OTOP1: variants seen among roughly 807,000 people sequenced by gnomAD.
The protein encoded by OTOP1 is otopetrin 1.
A neutral mutation model predicts 52.9 loss-of-function variants in OTOP1; 59 were observed. That is an observed-to-expected ratio of 1.12 (90% CI 0.91 to 1.39). The LOEUF (loss-of-function observed/expected upper bound fraction) is 1.39. Among genes scored for constraint, OTOP1 ranks in the 40% most tolerant of loss-of-function variants. The probability of loss-of-function intolerance (pLI) is 0.00; values close to 1 mark genes in which losing one functional copy is unlikely to be tolerated. For synonymous variants in OTOP1, 317 were observed against 337.7 expected (o/e 0.94, Z 0.67); for missense variants, 761 against 800.9 (o/e 0.95, Z 0.60).
chr4:4,212,148 G>A (rs972132825), intron 2 of OTOP1, among the ~76,000 whole-genome samples: 1 of 152,194 alleles, frequency 6.6e-6, no homozygotes, highest in Non-Finnish European at 1.5e-5. Flanking sequence ...TTCAGATCCT[G>A]ACTCTGATAA....
intron 5 of OTOP1, among the ~76,000 whole-genome samples, chr4:4,193,927 C>T (rs1177120323): frequency 1.3e-5 from 2 of 152,192 alleles, no homozygotes; most frequent in Non-Finnish European, 2.9e-5. Flanking sequence ...GTGGCTCACA[C>T]CCGTAATCCC....
In OTOP1 at chr4:4,221,755, T is replaced by C. The variant is rs533761141; in HGVS notation, c.403+4707A>G. On this transcript the variant is annotated intron_variant, in intron 1 of 5. Transcript: ENST00000296358. ...AAAACAGAGAGCAGCAAATGATTCA[T>C]AATTTGCTGTGTCCCACCACACCCA... 6.0e-4 allele frequency among the ~76,000 whole-genome samples: 92 copies of C among 152,306 alleles called. 1 individual carries two copies. The highest frequency in any genetic ancestry group is 2.1e-3 in the African/African-American group (89 of 41,570).
intron 4 of OTOP1, 143 bp from the exon 5 acceptor site, chr4:4,198,246 T>C: frequency 1.5e-6 from 1 of 669,556 alleles, no homozygotes; most frequent in Non-Finnish European, 2.5e-6. Context: ...TAGCTTATTA[T>C]CACGTTTAAT....
chr4:4,197,209 A>G lies in OTOP1; in HGVS notation c.1625T>C (p.Val542Ala), dbSNP rs1292667424. 6.2e-7 allele frequency: 1 copy of G among 1,612,564 alleles called. No individual in the cohort carries two copies. Among genetic ancestry groups the G allele is most frequent in the Non-Finnish European group, 8.5e-7 (1 of 1,179,764 alleles). ...CAAGAAGGCTGCAATATTCCTCAGGACTTTTCTCTTGGCGTTGCCCTGTAA... is the reference window on the plus strand; with the variant it reads ...CAAGAAGGCTGCAATATTCCTCAGGGCTTTTCTCTTGGCGTTGCCCTGTAA... ...RFLQGNAKRK[V>A]LRNIAAFLFL... The change falls in exon 5 of 6, where the codon GTC becomes GCC. Residue 542 changes from valine to alanine, a missense_variant. Val to Ala is a moderately conservative substitution (Grantham distance 64). This residue lies in a region of OTOP1 where 632 missense variants were observed against 619.5 expected (regional missense o/e 1.02). Coordinates refer to ENST00000296358, the MANE Select transcript of OTOP1 (RefSeq NM_177998.3).
chr4:4,211,748 C>A (rs1281498147), intron 2 of OTOP1, among the ~76,000 whole-genome samples: 1 of 152,054 alleles, frequency 6.6e-6, no homozygotes, highest in African/African-American at 2.4e-5. Flanking sequence ...GGCAACAGAG[C>A]AAGACCCTGT....
At chr4:4,213,117 G>A in intron 1 of OTOP1, 113 bp from the exon 2 acceptor site, 1 of 1,331,134 alleles carries the variant, frequency 7.5e-7, no homozygotes, top group Non-Finnish European at 1.0e-6. Context: ...ATGGTCAAAT[G>A]ATTTTTCACA....
At chr4:4,226,019 G>C (rs1489971780) in intron 1 of OTOP1, among the ~76,000 whole-genome samples, 1 of 152,232 alleles carries the variant, frequency 6.6e-6, no homozygotes, top group Non-Finnish European at 1.5e-5. Flanking sequence ...TGCAGAGGCA[G>C]AGGTCCTGCG....
intron 1 of OTOP1, among the ~76,000 whole-genome samples, chr4:4,220,448 C>T (rs1200198827): frequency 1.3e-5 from 2 of 152,040 alleles, no homozygotes; most frequent in African/African-American, 2.4e-5. Context: ...GACAGTAGAA[C>T]ATAGAGTGGC....
chr4:4,198,177 G>C, intron 4 of OTOP1, 74 bp from the exon 5 acceptor site: 1 of 1,299,608 alleles, frequency 7.7e-7, no homozygotes, highest in Non-Finnish European at 1.1e-6. Context: ...ACAGAAAACT[G>C]TTTCCACCGT....
chr4:4,189,118 G>A, intron 5 of OTOP1, 145 bp from the exon 6 acceptor site: 1 of 693,984 alleles, frequency 1.4e-6, no homozygotes, highest in East Asian at 2.8e-5. Context: ...GAGACCTCAT[G>A]GCATTTCCCA....
chr4:4,213,129 G>T, intron 1 of OTOP1, 125 bp from the exon 2 acceptor site: 1 of 1,248,734 alleles, frequency 8.0e-7, no homozygotes, highest in Non-Finnish European at 1.1e-6. Context: ...TTTTTCACAA[G>T]GGTGCCGAGA....
At chr4:4,213,062 T>G (rs1012051688) in intron 1 of OTOP1, 58 bp from the exon 2 acceptor site, 38 of 1,570,560 alleles carry the variant, frequency 2.4e-5, no homozygotes, top group Admixed American at 6.7e-5. Context: ...CATACATTGA[T>G]GTCATTTCAA....
Position 4,213,109 on chromosome 4 carries a change from G to A in OTOP1, c.404-105C>T. The A allele has an allele frequency of 7.3e-6, 10 of 1,370,414 alleles. No individual in the cohort carries two copies. In the South Asian group the frequency reaches 1.3e-4, roughly 18 times the overall value. The allele number at this position is 1,370,414 out of a possible 1,614,324, so 84.9% of individuals were successfully genotyped here. On this transcript the variant is annotated intron_variant, in intron 1 of 5. Coordinates refer to ENST00000296358, the MANE Select transcript of OTOP1 (RefSeq NM_177998.3). ...TTGTGTATTAAACCCTTATGTATAT[G>A]GTCAAATGATTTTTCACAAGGGTGC... is the stretch of plus-strand genomic sequence containing the variant.
intron 1 of OTOP1, among the ~76,000 whole-genome samples, chr4:4,216,401 G>C (rs1286611842): frequency 1.3e-5 from 2 of 152,142 alleles, no homozygotes; most frequent in Admixed American, 1.3e-4. Flanking sequence ...AGCATTGACC[G>C]CCATTTATAC....
chr4:4,203,997 G>A (rs1336019441), intron 3 of OTOP1, among the ~76,000 whole-genome samples: 2 of 152,214 alleles, frequency 1.3e-5, no homozygotes, highest in African/African-American at 4.8e-5. Flanking sequence ...TGGAAGCAGA[G>A]CTAGAGGGAT....
intron 2 of OTOP1, among the ~76,000 whole-genome samples, chr4:4,209,668 G>A (rs1366988876): frequency 6.6e-6 from 1 of 152,100 alleles, no homozygotes; most frequent in South Asian, 2.1e-4. Flanking sequence ...TCTCTACAAT[G>A]AGCCTATGAA....
chr4:4,215,378 C>T (rs955671447), intron 1 of OTOP1, among the ~76,000 whole-genome samples: 11 of 152,034 alleles, frequency 7.2e-5, no homozygotes, highest in Admixed American at 2.0e-4. Flanking sequence ...AAGAGTGCAG[C>T]TGGCTGGGTG....
chr4:4,193,698 A>C (rs1484137559), intron 5 of OTOP1, among the ~76,000 whole-genome samples: 1 of 152,164 alleles, frequency 6.6e-6, no homozygotes, highest in African/African-American at 2.4e-5. Flanking sequence ...GAAGAGATGA[A>C]GCCCACCCTT....
At chr4:4,208,762 G>T (rs114508039) in intron 2 of OTOP1, among the ~76,000 whole-genome samples, 1 of 143,872 alleles carries the variant, frequency 7.0e-6, no homozygotes, top group African/African-American at 2.7e-5. Context: ...GATGGTAAGT[G>T]TTATGTGATT....
Sources: allele counts gnomAD v4.1 joint callset (sites outside exome capture counted in the v4.1 genomes callset), GRCh38; gene constraint gnomAD v4.1.1; regional missense constraint gnomAD v4.1.1; transcripts MANE v1.5; gene names NCBI Gene and HGNC (gene_info 2026-07-23, HGNC 2026-07-21).